The following PPP1R10 variants were observed in gnomAD, a reference collection of about 807,000 sequenced individuals.
PPP1R10 encodes the protein serine/threonine-protein phosphatase 1 regulatory subunit 10.
In PPP1R10, 15 loss-of-function variants were observed where a neutral mutation model predicts 99.0. The ratio of observed to expected loss-of-function variants is 0.15; its 90% CI spans 0.10 to 0.23. The LOEUF is 0.23. Ranked by LOEUF, PPP1R10 falls within the 10% of genes least tolerant of loss-of-function variation. The pLI is 1.00. For synonymous variants in PPP1R10, 430 were observed against 449.5 expected (o/e 0.96, Z 0.55); for missense variants, 947 against 1,259.4 (o/e 0.75, Z 3.75).
Position 30,609,928 on chromosome 6 carries a change from A to G in PPP1R10, c.17T>C (p.Ile6Thr), listed in dbSNP as rs757709935. 8 of 1,613,824 alleles carry G rather than the reference A, an allele frequency of 5.0e-6. No individual in the cohort carries two copies. The highest frequency in any genetic ancestry group is 1.7e-6 in the Non-Finnish European group (2 of 1,179,818). The change falls in exon 3 of 20, where the codon ATA (isoleucine) becomes ACA (threonine). Residue 6 changes from isoleucine (I) to threonine (T), a missense_variant. By Grantham distance (89) the Ile-to-Thr change is moderately conservative (BLOSUM62 -1). Around this residue, in one of 10 missense-constraint regions of PPP1R10, gnomAD observed 82 missense variants for 117.3 expected, o/e 0.70. Coordinates refer to ENST00000376511, the MANE Select transcript of PPP1R10 (RefSeq NM_002714.4). This position sits in a 1 kb window ranked among gnomAD's most constrained non-coding sequence, Gnocchi z 4.5. MGSGP[I>T]DPKELLKGLD... ...GCCCTTGAGAAGTTCTTTGGGGTCT[A>G]TGGGACCCGAACCCATGATGGTGGT...
At position 30,602,893 on chromosome 6, in the gene PPP1R10, G is replaced by A. The variant is rs746806556; in HGVS notation, c.1910C>T (p.Pro637Leu). 1.3e-6 allele frequency: 2 copies of A among 1,556,504 alleles called. No individual in the cohort carries two copies. Among genetic ancestry groups the A allele is most frequent in the South Asian group, 2.4e-5 (2 of 84,620 alleles). Residue 637 changes from proline to leucine, a missense_variant, in exon 18 of 20, where the codon CCC becomes CTC. Coordinates refer to ENST00000376511, the MANE Select transcript of PPP1R10 (RefSeq NM_002714.4). This position sits in a 1 kb window ranked among gnomAD's most constrained non-coding sequence, Gnocchi z 6.7. ...NGFPPGGPGG[P>L]KGMQHFPPGP... The stretch of plus-strand genomic sequence containing the variant: ...AGGGGGAAAGTGCTGCATGCCCTTG[G>A]GGCCCCCAGGACCCCCTGGTGGGAA...
At chr6:30,603,185 C>T (rs1200983615) in intron 17 of PPP1R10, 25 bp downstream of exon 17, 1 of 1,595,128 alleles carries the variant, frequency 6.3e-7, no homozygotes, top group Non-Finnish European at 8.6e-7. Context: ...TCCCCCAGTC[C>T]CCTGGGGCTG....
In PPP1R10 at chr6:30,603,766, G is replaced by C. The variant is rs1302001493; in HGVS notation, c.1572+14C>G. The C allele has an allele frequency of 4.5e-6, 7 of 1,543,072 alleles. No homozygotes were observed. Among genetic ancestry groups the C allele is most frequent in the Non-Finnish European group, 5.2e-6 (6 of 1,146,722 alleles). On this transcript the variant is annotated intron_variant, in intron 15 of 19. Transcript: ENST00000376511. The stretch of plus-strand genomic sequence containing the variant: ...GACCATCACAACTTCCATCATCACA[G>C]AACATTGACTTACCTCATCTAGGGG...
chr6:30,605,145 C>T (rs1396647795), intron 10 of PPP1R10, 51 bp from the exon 11 acceptor site: 2 of 1,514,940 alleles, frequency 1.3e-6, no homozygotes, highest in Non-Finnish European at 1.8e-6. Context: ...CTTCATAATC[C>T]TACACCTGCA....
rs1803502834 is a variant in PPP1R10, at chr6:30,602,805, TAAGCA to T, written c.1957+36_1957+40del. The T allele has an allele frequency of 1.3e-6, 2 of 1,544,390 alleles. No individual in the cohort carries two copies. Among genetic ancestry groups the T allele is most frequent in the East Asian group, 4.8e-5 (2 of 41,472 alleles). The stretch of plus-strand genomic sequence containing the variant: ...TCCTATACTATTATCAGACTGAAAT[TAAGCA>T]GATAAGCCCATTCCAACCTTTTACT... On this transcript the variant is annotated intron_variant, in intron 18 of 19. Coordinates refer to ENST00000376511, the MANE Select transcript of PPP1R10 (RefSeq NM_002714.4). The surrounding 1 kb of genome is among the most constrained non-coding windows in gnomAD (Gnocchi z 6.7).
rs186739711 is a variant in PPP1R10 at position 30,602,423 on chromosome 6, A to G, written c.2226T>C (p.Gly742=). Reference sequence around the variant, plus strand: ...GCCCACCACCTCCAACCATGCCCCCACCAGGGCCCCCTCGTCCATTTGGGG... The same window carrying G: ...GCCCACCACCTCCAACCATGCCCCCGCCAGGGCCCCCTCGTCCATTTGGGG... The part of the protein sequence containing the change: ...GGPPNGRGGP[G]GGMVGGGGHR... Residue 742 remains glycine, a synonymous_variant, in exon 19 of 20, where the codon GGT becomes GGC. Transcript: ENST00000376511. The surrounding 1 kb of genome is among the most constrained non-coding windows in gnomAD (Gnocchi z 6.7). 5 of 1,609,286 alleles carry G rather than the reference A, an allele frequency of 3.1e-6. No individual in the cohort carries two copies. In the African/African-American group the frequency reaches 5.3e-5, roughly 17 times the overall value.
At chr6:30,603,707 G>T (rs1274310734) in intron 15 of PPP1R10, 41 bp from the exon 16 acceptor site, 2 of 1,557,426 alleles carry the variant, frequency 1.3e-6, no homozygotes, top group Admixed American at 4.1e-5. Context: ...ACAGAACAGA[G>T]ACATTCTCAT....
rs1343220082 is a variant in PPP1R10 at position 30,600,826 on chromosome 6, G to C, written c.*723C>G. On this transcript the variant is annotated 3_prime_UTR_variant, in exon 20 of 20. Transcript: ENST00000376511. Reference sequence around the variant, plus strand: ...TCAAGTCTCCAGACTGGCTATAGTTGGCAAAGGCAGACCAGCACCACCGGT... The same window carrying C: ...TCAAGTCTCCAGACTGGCTATAGTTCGCAAAGGCAGACCAGCACCACCGGT... 1.3e-5 allele frequency: 2 copies of C among 152,502 alleles called. No individual in the cohort carries two copies. The highest frequency in any genetic ancestry group is 4.8e-5 in the African/African-American group (2 of 41,390). 9.4% of individuals were successfully genotyped at this position (152,502 alleles called of 1,614,324 possible).
Position 30,604,312 on chromosome 6 carries a change from A to G in PPP1R10, c.1261+41T>C. 1 of 1,613,662 alleles carries G rather than the reference A, an allele frequency of 6.2e-7. No homozygotes were observed. Among genetic ancestry groups the G allele is most frequent in the African/African-American group, 1.3e-5 (1 of 75,028 alleles). Reference sequence around the variant, plus strand: ...GTAAGCACAACCAAGTCCTTTCAAAATCCCTTAAACACACCTATTACGTAG... The same window carrying G: ...GTAAGCACAACCAAGTCCTTTCAAAGTCCCTTAAACACACCTATTACGTAG... On this transcript the variant is annotated intron_variant, in intron 13 of 19. Transcript: ENST00000376511. The surrounding 1 kb of genome is among the most constrained non-coding windows in gnomAD (Gnocchi z 7.3).
intron 6 of PPP1R10, among the ~76,000 whole-genome samples, chr6:30,607,421 T>C (rs920653884): frequency 2.0e-5 from 3 of 152,246 alleles, no homozygotes; most frequent in Non-Finnish European, 4.4e-5. Context: ...CCTTTTGTAC[T>C]TGGCAAATAA....
intron 2 of PPP1R10, among the ~76,000 whole-genome samples, chr6:30,616,136 AG>A (rs1760502737): frequency 1.3e-5 from 2 of 152,200 alleles, no homozygotes; most frequent in African/African-American, 4.8e-5. Context: ...TGCTAACCAG[AG>A]GAAGGTAACC....
At chr6:30,616,371 C>T (rs952827754) in intron 2 of PPP1R10, 107 bp downstream of exon 2, 4 of 152,606 alleles carry the variant, frequency 2.6e-5, no homozygotes, top group Non-Finnish European at 4.4e-5. Flanking sequence ...TTCTCCAGTT[C>T]TCTATTTGTT....
intron 10 of PPP1R10, 47 bp from the exon 11 acceptor site, chr6:30,605,141 A>G: frequency 1.3e-6 from 2 of 1,533,724 alleles, no homozygotes; most frequent in Non-Finnish European, 1.8e-6. Flanking sequence ...CCTCCTTCAT[A>G]ATCCTACACC....
chr6:30,603,957 A>G lies in PPP1R10; in HGVS notation c.1508+51T>C, dbSNP rs769285411. ...TAATTACCCCAGCTCATGTTCCCTC[A>G]GGAGTGTCCAAGCACTCAACATCCC... On this transcript the variant is annotated intron_variant, in intron 14 of 19. Transcript: ENST00000376511. 5.2e-6 allele frequency: 8 copies of G among 1,539,066 alleles called. No homozygotes were observed. In the South Asian group the frequency reaches 1.0e-4, roughly 20 times the overall value.
chr6:30,613,969 T>C (rs1459343552), intron 2 of PPP1R10, among the ~76,000 whole-genome samples: 1 of 152,216 alleles, frequency 6.6e-6, no homozygotes, highest in Non-Finnish European at 1.5e-5. Context: ...CTGTACCCAG[T>C]AGGAAGTTAG....
Position 30,609,828 on chromosome 6 carries a change from A to G in PPP1R10, c.107+10T>C. Reference sequence around the variant, plus strand: ...ACTCACAGTGAATACAAAAAGGGGTAAAGACTCACCTGAAGATCTTGGAAA... The same window carrying G: ...ACTCACAGTGAATACAAAAAGGGGTGAAGACTCACCTGAAGATCTTGGAAA... On this transcript the variant is annotated intron_variant, in intron 3 of 19. Coordinates refer to ENST00000376511, the MANE Select transcript of PPP1R10 (RefSeq NM_002714.4). The surrounding 1 kb of genome is among the most constrained non-coding windows in gnomAD (Gnocchi z 4.5). The G allele has an allele frequency of 1.2e-6, 2 of 1,605,734 alleles. No homozygotes were observed. Among genetic ancestry groups the G allele is most frequent in the East Asian group, 2.2e-5 (1 of 44,838 alleles).
chr6:30,602,173 C>G lies in PPP1R10; in HGVS notation c.2476G>C (p.Gly826Arg). 6.2e-7 allele frequency: 1 copy of G among 1,610,060 alleles called. No homozygotes were observed. Among genetic ancestry groups the G allele is most frequent in the East Asian group, 2.2e-5 (1 of 44,462 alleles). Residue 826 changes from glycine (G) to arginine (R), a missense_variant, in exon 19 of 20, where the codon GGT becomes CGT. By Grantham distance (125) the Gly-to-Arg change is moderately radical. This residue lies in a region of PPP1R10 where 525 missense variants were observed against 578.8 expected (regional missense o/e 0.91). Transcript: ENST00000376511. The surrounding 1 kb of genome is among the most constrained non-coding windows in gnomAD (Gnocchi z 6.7). ...HEGPGGGMGA[G>R]GGHRPHEGPG... ...CCTTCGTGGGGGCGATGTCCACCAC[C>G]GGCACCCATTCCTCCGCCAGGGCCT...
Position 30,606,327 on chromosome 6 carries a change from T to G in PPP1R10, c.635-84A>C. Reference sequence around the variant, plus strand: ...CTCCCGTTCTCACCCGCAAATGTTCTTCTAGCCTTGTAACCAAAGCTTCCT... The same window carrying G: ...CTCCCGTTCTCACCCGCAAATGTTCGTCTAGCCTTGTAACCAAAGCTTCCT... On this transcript the variant is annotated intron_variant, in intron 8 of 19. Coordinates refer to ENST00000376511, the MANE Select transcript of PPP1R10 (RefSeq NM_002714.4). This position sits in a 1 kb window ranked among gnomAD's most constrained non-coding sequence, Gnocchi z 6.3. 1 of 1,561,554 alleles carries G rather than the reference T, an allele frequency of 6.4e-7. No individual in the cohort carries two copies. The highest frequency in any genetic ancestry group is 1.1e-5 in the South Asian group (1 of 88,450).
At chr6:30,605,230 G>A (rs1316774241) in intron 10 of PPP1R10, 136 bp from the exon 11 acceptor site, 8 of 695,520 alleles carry the variant, frequency 1.2e-5, no homozygotes, top group East Asian at 8.0e-5. Flanking sequence ...AAGAGGACCA[G>A]GAAGCACATG....
Sources: allele counts gnomAD v4.1 joint callset (sites outside exome capture counted in the v4.1 genomes callset), GRCh38; gene constraint gnomAD v4.1.1; regional missense constraint gnomAD v4.1.1; non-coding constraint Gnocchi (gnomAD v3.1); transcripts MANE v1.5; gene names NCBI Gene and HGNC (gene_info 2026-07-23, HGNC 2026-07-21).